REM2: variants seen among roughly 807,000 people sequenced by gnomAD.
REM2 encodes the protein GTP-binding protein REM 2.
REM2 carries 24 observed loss-of-function variants against 24.4 expected under a neutral mutation model. The observed-to-expected ratio is 0.98, with a 90% confidence interval of 0.71 to 1.38. The LOEUF is 1.38. Ranked by LOEUF, REM2 falls within the 40% of genes most tolerant of loss-of-function variation. REM2 has a pLI of 0.00. For missense variants in REM2, 429 were observed against 467.8 expected, an observed-to-expected ratio of 0.92 and a Z score of 0.77; for synonymous variants, 187 against 198.0, an observed-to-expected ratio of 0.94 and a Z score of 0.47.
Position 22,886,029 on chromosome 14 carries a change from T to C in REM2, c.525T>C (p.Asp175=). 1.2e-6 allele frequency: 2 copies of C among 1,613,672 alleles called. No individual in the cohort carries two copies. Among genetic ancestry groups the C allele is most frequent in the Non-Finnish European group, 1.7e-6 (2 of 1,179,624 alleles). ...LVVYDIWEQG[D]AGGWLRDHCL... is the part of the protein sequence containing the mutation. ...GTTCCTCTGCCTGTCTGCAGGGGGA[T>C]GCAGGAGGGTGGCTGCGGGACCACT... The change falls in exon 4 of 5, where the codon GAT becomes GAC. Residue 175 remains aspartate, a synonymous_variant. Coordinates refer to ENST00000267396, the MANE Select transcript of REM2 (RefSeq NM_173527.3). This position sits in a 1 kb window ranked among gnomAD's most constrained non-coding sequence, Gnocchi z 5.9.
At chr14:22,885,376 G>A in intron 3 of REM2, 37 bp downstream of exon 3, 1 of 1,550,068 alleles carries the variant, frequency 6.5e-7, no homozygotes, top group Non-Finnish European at 8.9e-7. Flanking sequence ...AGGTGATGAA[G>A]CTGGGAGAAC....
intron 3 of REM2, 57 bp from the exon 4 acceptor site, chr14:22,885,967 G>C: frequency 7.0e-7 from 1 of 1,420,228 alleles, no homozygotes; most frequent in South Asian, 1.1e-5. Flanking sequence ...TTGAGGTGTA[G>C]GTGCTGGACA....
rs577629448 is a variant in REM2, at chr14:22,884,844, G to T, written c.274G>T (p.Ala92Ser). ...AVDELDWPPQ[A>S]SSSGSSDSLG... The stretch of plus-strand genomic sequence containing the variant: ...AGATGAACTTGACTGGCCACCTCAG[G>T]CCTCATCCTCTGGCTCGTCTGACTC... The change falls in exon 2 of 5, where the codon GCC becomes TCC. Residue 92 changes from alanine (A) to serine (S), a missense_variant. By Grantham distance (99) the Ala-to-Ser change is moderately conservative. Transcript: ENST00000267396. The T allele has an allele frequency of 6.2e-7, 1 of 1,613,988 alleles. No individual in the cohort carries two copies. Among genetic ancestry groups the T allele is most frequent in the Non-Finnish European group, 8.5e-7 (1 of 1,179,860 alleles).
At position 22,886,381 on chromosome 14, in the gene REM2, C is replaced by A. The variant is rs888796521; in HGVS notation, c.727+150C>A. 7 of 788,874 alleles carry A rather than the reference C, an allele frequency of 8.9e-6. No individual in the cohort carries two copies. Among genetic ancestry groups the A allele is most frequent in the Non-Finnish European group, 1.4e-5 (7 of 484,338 alleles). The allele number at this position is 788,874 out of a possible 1,614,324, so 48.9% of individuals were successfully genotyped here. ...AGGGGGACACTCCCAATGCCCCACTCGAGGATCCTGAGAATCCCTTCTTGT... is the reference window on the plus strand; with the variant it reads ...AGGGGGACACTCCCAATGCCCCACTAGAGGATCCTGAGAATCCCTTCTTGT... On this transcript the variant is annotated intron_variant, in intron 4 of 4. Coordinates refer to ENST00000267396, the MANE Select transcript of REM2 (RefSeq NM_173527.3). The surrounding 1 kb of genome is among the most constrained non-coding windows in gnomAD (Gnocchi z 5.9).
rs1272309249 is a variant in REM2 at position 22,886,110 on chromosome 14, T to C, written c.606T>C (p.Ser202=). Residue 202 remains serine, a synonymous_variant, in exon 4 of 5, where the codon AGT becomes AGC. Coordinates refer to ENST00000267396, the MANE Select transcript of REM2 (RefSeq NM_173527.3). This position sits in a 1 kb window ranked among gnomAD's most constrained non-coding sequence, Gnocchi z 5.9. Reference sequence around the variant, plus strand: ...TCTTCTCAGTCACCGACCGACGGAGTTTCTCCAAAGTTCCAGAGACCCTAC... The same window carrying C: ...TCTTCTCAGTCACCGACCGACGGAGCTTCTCCAAAGTTCCAGAGACCCTAC... ...LIVFSVTDRR[S]FSKVPETLLR... 1 of 1,613,564 alleles carries C rather than the reference T, an allele frequency of 6.2e-7. No individual in the cohort carries two copies. The highest frequency in any genetic ancestry group is 1.7e-5 in the Admixed American group (1 of 59,976).
chr14:22,883,322 A>T lies in REM2; in HGVS notation c.35A>T (p.Asp12Val), dbSNP rs1283825832. 6.4e-7 allele frequency: 1 copy of T among 1,561,944 alleles called. No homozygotes were observed. Among genetic ancestry groups the T allele is most frequent in the South Asian group, 1.2e-5 (1 of 84,618 alleles). The part of the protein sequence containing the change: ...HTDLDTDMDM[D>V]TETTALCPSG... ...GACCTGGACACAGACATGGACATGGACACAGAAACCACAGCACTCTGCCCC... is the reference window on the plus strand; with the variant it reads ...GACCTGGACACAGACATGGACATGGTCACAGAAACCACAGCACTCTGCCCC... Residue 12 changes from aspartate (D) to valine (V), a missense_variant, in exon 1 of 5, where the codon GAC (aspartate) becomes GTC (valine). Asp to Val is a radical substitution (Grantham distance 152). Transcript: ENST00000267396.
Position 22,884,975 on chromosome 14 carries a change from T to C in REM2, c.405T>C (p.Gly135=), listed in dbSNP as rs2138808735. ...AGAGCACCCTAGCAGGCACTTTTGG[T>C]GGTCTCCAGGGAGACAGTGCTCACG... ...VGKSTLAGTF[G]GLQGDSAHEP... is the part of the protein sequence containing the mutation. Residue 135 remains glycine (G), a synonymous_variant, in exon 2 of 5, where the codon GGT becomes GGC. Coordinates refer to ENST00000267396, the MANE Select transcript of REM2 (RefSeq NM_173527.3). 6.4e-7 allele frequency: 1 copy of C among 1,566,574 alleles called. No homozygotes were observed. Among genetic ancestry groups the C allele is most frequent in the East Asian group, 2.3e-5 (1 of 44,338 alleles).
chr14:22,884,763 C>A lies in REM2; in HGVS notation c.193C>A (p.Arg65=). ...GLPSAPGAPR[R]RGSMPVPYKH... is the part of the protein sequence containing the mutation. ...ACCCTCTGCCCCTGGGGCCCCCAGA[C>A]GAAGAGGCAGTATGCCTGTCCCCTA... The change falls in exon 2 of 5, where the codon CGA becomes AGA. Residue 65 remains arginine (R), a synonymous_variant. Coordinates refer to ENST00000267396, the MANE Select transcript of REM2 (RefSeq NM_173527.3). 6.2e-7 allele frequency: 1 copy of A among 1,613,982 alleles called. No homozygotes were observed. Among genetic ancestry groups the A allele is most frequent in the Non-Finnish European group, 8.5e-7 (1 of 1,179,884 alleles).
chr14:22,885,871 C>G (rs900795774), intron 3 of REM2, among the ~76,000 whole-genome samples, 153 bp from the exon 4 acceptor site: 1 of 152,204 alleles, frequency 6.6e-6, no homozygotes, highest in Non-Finnish European at 1.5e-5. Flanking sequence ...TCCACAAACA[C>G]TCTGGGTAGG....
intron 2 of REM2, 59 bp from the exon 3 acceptor site, chr14:22,885,207 C>A (rs2040112213): frequency 6.7e-7 from 1 of 1,502,270 alleles, no homozygotes; most frequent in African/African-American, 1.4e-5. Flanking sequence ...GTTACCAGGT[C>A]TCACAAATGT....
Position 22,887,445 on chromosome 14 carries a change from CTTTG to C in REM2, c.*537_*540del, listed in dbSNP as rs2040142011. 2 of 152,200 alleles carry C rather than the reference CTTTG, an allele frequency of 1.3e-5. No individual in the cohort carries two copies. The highest frequency in any genetic ancestry group is 1.9e-4 in the East Asian group (1 of 5,186). 9.4% of individuals were successfully genotyped at this position (152,200 alleles called of 1,614,324 possible). The stretch of plus-strand genomic sequence containing the variant: ...TCTCATCTGGTGCGGCATGTGTCCA[CTTTG>C]CCTTTAAGGAGTTCTTAAAGGCAAG... On this transcript the variant is annotated 3_prime_UTR_variant, in exon 5 of 5. Coordinates refer to ENST00000267396, the MANE Select transcript of REM2 (RefSeq NM_173527.3).
At position 22,886,275 on chromosome 14, in the gene REM2, T is replaced by C. The variant is rs1260648157; in HGVS notation, c.727+44T>C. ...TTCCATACTTGCGATCTCAGGGGAA[T>C]GCTCTCCCTTCCAAGTCACCTCTTC... is the stretch of plus-strand genomic sequence containing the variant. On this transcript the variant is annotated intron_variant, in intron 4 of 4. Transcript: ENST00000267396. This position sits in a 1 kb window ranked among gnomAD's most constrained non-coding sequence, Gnocchi z 5.9. The C allele has an allele frequency of 2.6e-6, 4 of 1,526,014 alleles. No individual in the cohort carries two copies. Among genetic ancestry groups the C allele is most frequent in the Admixed American group, 1.9e-5 (1 of 52,832 alleles). 94.5% of individuals were successfully genotyped at this position (1,526,014 alleles called of 1,614,324 possible).
intron 3 of REM2, among the ~76,000 whole-genome samples, chr14:22,885,628 A>C (rs2040118156): frequency 6.6e-6 from 1 of 152,158 alleles, no homozygotes; most frequent in Non-Finnish European, 1.5e-5. Context: ...TCCATCCATA[A>C]ATTTTTCAGC....
rs35170959 is a variant in REM2 at position 22,883,899 on chromosome 14, T to TCACACA, written c.103+529_103+534dup. On this transcript the variant is annotated intron_variant, in intron 1 of 4. Coordinates refer to ENST00000267396, the MANE Select transcript of REM2 (RefSeq NM_173527.3). Reference sequence around the variant, plus strand: ...CACGCATTGTCACTCTCCCTTTCGCTCACACACACACACACACACACACAC... The same window carrying TCACACA: ...CACGCATTGTCACTCTCCCTTTCGCTCACACACACACACACACACACACACACACAC... Among the ~76,000 whole-genome samples the TCACACA allele has an allele frequency of 9.6e-4, 141 of 147,552 alleles. 3 individuals are homozygous for TCACACA. Among genetic ancestry groups the TCACACA allele is most frequent in the African/African-American group, 2.2e-3 (89 of 40,118 alleles).
intron 3 of REM2, 135 bp from the exon 4 acceptor site, chr14:22,885,889 T>C (rs2040120654): frequency 1.5e-6 from 1 of 659,990 alleles, no homozygotes; most frequent in Admixed American, 2.5e-5. Flanking sequence ...AGGGAGATTC[T>C]GCCATTAACT....
At position 22,886,696 on chromosome 14, in the gene REM2, C is replaced by T; in HGVS notation, c.810C>T (p.Phe270=). ...TGCACCACAACACGAGGGAGCTCTTCGAGGGCGCGGTGCGCCAGATCCGGC... is the reference window on the plus strand; with the variant it reads ...TGCACCACAACACGAGGGAGCTCTTTGAGGGCGCGGTGCGCCAGATCCGGC... ...AALHHNTREL[F]EGAVRQIRLR... is the part of the protein sequence containing the mutation. The change falls in exon 5 of 5, where the codon TTC becomes TTT. Residue 270 remains phenylalanine, a synonymous_variant. Coordinates refer to ENST00000267396, the MANE Select transcript of REM2 (RefSeq NM_173527.3). The surrounding 1 kb of genome is among the most constrained non-coding windows in gnomAD (Gnocchi z 5.9). The T allele has an allele frequency of 1.3e-6, 2 of 1,503,544 alleles. No individual in the cohort carries two copies. Among genetic ancestry groups the T allele is most frequent in the Non-Finnish European group, 1.8e-6 (2 of 1,128,012 alleles). 93.1% of individuals were successfully genotyped at this position (1,503,544 alleles called of 1,614,324 possible). A position where few individuals can be genotyped will look rare whatever the true frequency, so the allele number is the denominator to read the frequency against.
Position 22,886,340 on chromosome 14 carries a change from C to A in REM2, c.727+109C>A. On this transcript the variant is annotated intron_variant, in intron 4 of 4. Transcript: ENST00000267396. The surrounding 1 kb of genome is among the most constrained non-coding windows in gnomAD (Gnocchi z 5.9). ...TTACCATCGCGGACGCACTCACTTG[C>A]AATCAGACCCAGGCTAGGGGGACAC... The A allele has an allele frequency of 4.0e-6, 4 of 1,001,884 alleles. No individual in the cohort carries two copies. The highest frequency in any genetic ancestry group is 1.5e-5 in the South Asian group (1 of 68,646). 62.1% of individuals were successfully genotyped at this position (1,001,884 alleles called of 1,614,324 possible).
Position 22,885,005 on chromosome 14 carries a change from G to T in REM2, c.435G>T (p.Pro145=), listed in dbSNP as rs372377415. 6.5e-7 allele frequency: 1 copy of T among 1,532,870 alleles called. No individual in the cohort carries two copies. The highest frequency in any genetic ancestry group is 1.3e-5 in the South Asian group (1 of 77,758). The allele number at this position is 1,532,870 out of a possible 1,614,324, so 95.0% of individuals were successfully genotyped here. ...TCCAGGGAGACAGTGCTCACGAACC[G>T]GAGAACCCAGGTATTTGGGGAAGCC... ...GGLQGDSAHE[P]ENPEDTYERR... Residue 145 remains proline (P), a synonymous_variant, in exon 2 of 5, where the codon CCG becomes CCT. Coordinates refer to ENST00000267396, the MANE Select transcript of REM2 (RefSeq NM_173527.3).
At chr14:22,885,140 G>A (rs1267359493) in intron 2 of REM2, 125 bp downstream of exon 2, 1 of 1,362,116 alleles carries the variant, frequency 7.3e-7, no homozygotes, top group Non-Finnish European at 1.0e-6. Context: ...TGCTTTCTGT[G>A]GCAGCCTCCC....
Sources: allele counts gnomAD v4.1 joint callset (sites outside exome capture counted in the v4.1 genomes callset), GRCh38; gene constraint gnomAD v4.1.1; non-coding constraint Gnocchi (gnomAD v3.1); transcripts MANE v1.5; gene names NCBI Gene and HGNC (gene_info 2026-07-23, HGNC 2026-07-21).